ARHGDIB: variants seen among roughly 807,000 people sequenced by gnomAD.
ARHGDIB encodes Rho GDP dissociation inhibitor beta.
Under a neutral mutation model 22.6 loss-of-function variants are expected in ARHGDIB, and 20 were observed. The observed-to-expected ratio is 0.88, with a 90% CI of 0.62 to 1.28. ARHGDIB has a LOEUF of 1.28. Ranked by LOEUF, ARHGDIB falls within the 50% of genes most tolerant of loss-of-function variation. The pLI, the probability that ARHGDIB is intolerant of heterozygous loss-of-function variation, is 0.00. For missense variants in ARHGDIB, 254 were observed against 245.4 expected (o/e 1.04, Z -0.23); for synonymous variants, 114 against 96.1 (o/e 1.19, Z -1.09).
intron 1 of ARHGDIB, among the ~76,000 whole-genome samples, chr12:14,953,598 T>TA (rs1040026960): frequency 1.3e-5 from 2 of 151,680 alleles, no homozygotes; most frequent in African/African-American, 4.9e-5. Flanking sequence ...GTCTCTTTTT[T>TA]AAAAATCTGA....
intron 5 of ARHGDIB, among the ~76,000 whole-genome samples, chr12:14,943,418 G>A (rs1258604912): frequency 1.3e-5 from 2 of 148,810 alleles, no homozygotes; most frequent in African/African-American, 5.0e-5. Flanking sequence ...TTTTTATGGA[G>A]ATATAGCAGA....
intron 3 of ARHGDIB, among the ~76,000 whole-genome samples, chr12:14,949,131 C>T (rs1053406188): frequency 1.4e-4 from 21 of 152,024 alleles, no homozygotes; most frequent in African/African-American, 5.1e-4. Context: ...CCTTTGAAGG[C>T]CCCAATCTCC....
intron 1 of ARHGDIB, among the ~76,000 whole-genome samples, chr12:14,960,785 G>A (rs1205131422): frequency 6.6e-6 from 1 of 152,230 alleles, no homozygotes; most frequent in Non-Finnish European, 1.5e-5. Context: ...TTGCAGGCGT[G>A]AGCCACCACG....
At chr12:14,953,161 G>C (rs568946030) in intron 1 of ARHGDIB, among the ~76,000 whole-genome samples, 1 of 152,244 alleles carries the variant, frequency 6.6e-6, no homozygotes, top group South Asian at 2.1e-4. Context: ...TTCATAAAAA[G>C]AGACACAAAT....
At chr12:14,948,094 G>T in intron 3 of ARHGDIB, 145 bp from the exon 4 acceptor site, 8 of 541,948 alleles carry the variant, frequency 1.5e-5, no homozygotes, top group Middle Eastern at 2.9e-4. Flanking sequence ...TTTGAGTTTA[G>T]TCCTTGCACA....
chr12:14,949,245 G>T (rs948533100), intron 3 of ARHGDIB, among the ~76,000 whole-genome samples: 2 of 152,086 alleles, frequency 1.3e-5, no homozygotes, highest in Non-Finnish European at 2.9e-5. Context: ...TCAGGGAAAG[G>T]CTTGACCCTT....
At chr12:14,959,508 C>G (rs762623771) in intron 1 of ARHGDIB, among the ~76,000 whole-genome samples, 10 of 152,162 alleles carry the variant, frequency 6.6e-5, no homozygotes, top group Non-Finnish European at 1.3e-4. Flanking sequence ...TATCACCAGG[C>G]CTGACACATA....
At chr12:14,960,525 C>T (rs1254079977) in intron 1 of ARHGDIB, among the ~76,000 whole-genome samples, 1 of 152,090 alleles carries the variant, frequency 6.6e-6, no homozygotes, top group Non-Finnish European at 1.5e-5. Context: ...TTTTTTGAGC[C>T]AGAGTTTCGC....
At chr12:14,943,847 A>G (rs1305510344) in intron 5 of ARHGDIB, among the ~76,000 whole-genome samples, 3 of 152,246 alleles carry the variant, frequency 2.0e-5, no homozygotes, top group South Asian at 2.1e-4. Flanking sequence ...AGTTGCAGAC[A>G]TGTCACTGTC....
At chr12:14,949,556 A>T (rs1171067956) in intron 3 of ARHGDIB, among the ~76,000 whole-genome samples, 1 of 152,226 alleles carries the variant, frequency 6.6e-6, no homozygotes, top group Non-Finnish European at 1.5e-5. Flanking sequence ...TCATGTGGAG[A>T]CAAAAATCTG....
At chr12:14,947,817 C>A in intron 4 of ARHGDIB, 56 bp downstream of exon 4, 1 of 1,376,544 alleles carries the variant, frequency 7.3e-7, no homozygotes, top group South Asian at 1.2e-5. Context: ...GAAATGTAGT[C>A]ACTGATTAAA....
At position 14,943,241 on chromosome 12, in the gene ARHGDIB, C is replaced by G. The variant is rs148646140; in HGVS notation, c.407-520G>C. ...GGAGTGCCTTTTAATAATATAGTTT[C>G]CTTTGTCCTACTTCCAAAGGCTATG... is the stretch of plus-strand genomic sequence containing the variant. On this transcript the variant is annotated intron_variant, in intron 5 of 5. Coordinates refer to ENST00000228945, the MANE Select transcript of ARHGDIB (RefSeq NM_001175.7). Among the ~76,000 whole-genome samples, 319 of 152,208 alleles carry G rather than the reference C, an allele frequency of 2.1e-3. 1 individual carries two copies. The highest frequency in any genetic ancestry group is 7.3e-3 in the African/African-American group (303 of 41,516).
intron 4 of ARHGDIB, 93 bp downstream of exon 4, chr12:14,947,779 CA>C (rs1864055419): frequency 8.6e-7 from 1 of 1,157,708 alleles, no homozygotes. Context: ...GAGAAACAAA[CA>C]AAAAGTACCT....
chr12:14,953,500 A>G (rs772800395), intron 1 of ARHGDIB, among the ~76,000 whole-genome samples: 12 of 152,228 alleles, frequency 7.9e-5, no homozygotes, highest in Non-Finnish European at 1.2e-4. Context: ...TCTTCAGAGT[A>G]GAGAAGAGGC....
intron 5 of ARHGDIB, 131 bp from the exon 6 acceptor site, chr12:14,942,852 A>C: frequency 1.3e-6 from 1 of 791,516 alleles, no homozygotes; most frequent in Non-Finnish European, 2.0e-6. Context: ...CTAAATAAAC[A>C]TTAGATTTAC....
At chr12:14,956,051 C>T (rs1328649097) in intron 1 of ARHGDIB, 5 of 152,168 alleles carry the variant, frequency 3.3e-5, no homozygotes, top group Non-Finnish European at 2.9e-5. Context: ...AGACATACCA[C>T]GTGGTAGGCA....
chr12:14,945,902 A>G (rs1309013917), intron 4 of ARHGDIB, among the ~76,000 whole-genome samples: 1 of 152,218 alleles, frequency 6.6e-6, no homozygotes, highest in Non-Finnish European at 1.5e-5. Context: ...GCTTTCTAAT[A>G]CTGTGAGTCT....
chr12:14,960,302 G>C (rs899716945), intron 1 of ARHGDIB, among the ~76,000 whole-genome samples: 1 of 152,064 alleles, frequency 6.6e-6, no homozygotes, highest in Non-Finnish European at 1.5e-5. Context: ...CCTCTAAAAG[G>C]GAAGAAAGTA....
chr12:14,955,104 A>AT (rs2120748057), intron 1 of ARHGDIB, among the ~76,000 whole-genome samples: 1 of 152,312 alleles, frequency 6.6e-6, no homozygotes, highest in African/African-American at 2.4e-5. Context: ...GTCTTTGCAT[A>AT]ATAAAGGGTA....
Sources: gnomAD v4.1 joint callset for allele counts (sites outside exome capture counted in the v4.1 genomes callset) on GRCh38, gnomAD v4.1.1 for gene constraint, MANE v1.5 for transcripts, NCBI Gene and HGNC (gene_info 2026-07-23, HGNC 2026-07-21) for gene names.